Variants in RTL4 observed in about 807,000 individuals in gnomAD.
RTL4 encodes the protein retrotransposon Gag like 4, also known as retrotransposon Gag-like protein 4.
In RTL4, 4 loss-of-function variants were observed where a neutral mutation model predicts 5.3. The observed-to-expected ratio is 0.75, with a 90% CI of 0.37 to 1.72. RTL4 has a LOEUF of 1.72. Among genes scored for constraint, RTL4 ranks in the 40% most tolerant of loss-of-function variants. The pLI is 0.04. For synonymous variants in RTL4, 98 were observed against 87.3 expected, an observed-to-expected ratio of 1.12 and a Z score of -0.68; for missense variants, 260 against 227.1, an observed-to-expected ratio of 1.14 and a Z score of -0.93.
the RTL4 span, among the ~76,000 whole-genome samples, chrX:112,401,812 A>C: frequency 8.9e-6 from 1 of 112,048 alleles, no homozygotes; most frequent in African/African-American, 3.2e-5. Flanking sequence ...TCTTCCTTAA[A>C]TACTTTAATC....
At chrX:112,092,335 C>T in the RTL4 span, among the ~76,000 whole-genome samples, 91 of 111,720 alleles carry the variant, frequency 8.1e-4, no homozygotes, top group African/African-American at 2.9e-3. Flanking sequence ...TTCTCTTCTG[C>T]TTTGGGATTC....
At chrX:112,225,890 CGTT>C in the RTL4 span, among the ~76,000 whole-genome samples, 2 of 111,827 alleles carry the variant, frequency 1.8e-5, no homozygotes, top group Non-Finnish European at 1.9e-5. Flanking sequence ...ATGGTGTACT[CGTT>C]GTCAAACCAT....
At chrX:112,404,180 C>T in the RTL4 span, among the ~76,000 whole-genome samples, 7 of 111,595 alleles carry the variant, frequency 6.3e-5, no homozygotes, top group Non-Finnish European at 1.3e-4. Flanking sequence ...TTACTACAAA[C>T]CCCACCACTT....
At chrX:112,099,356 A>G in the RTL4 span, among the ~76,000 whole-genome samples, 25 of 111,552 alleles carry the variant, frequency 2.2e-4, no homozygotes, top group African/African-American at 7.5e-4. Context: ...TAGAGCACAG[A>G]GAGAGAATGA....
At chrX:112,096,468 C>G in the RTL4 span, among the ~76,000 whole-genome samples, 1 of 111,499 alleles carries the variant, frequency 9.0e-6, no homozygotes, top group Non-Finnish European at 1.9e-5. Flanking sequence ...GTCCTCAGAT[C>G]CAGGCACGTC....
At chrX:112,083,192 G>A in the RTL4 span, among the ~76,000 whole-genome samples, 1 of 112,561 alleles carries the variant, frequency 8.9e-6, no homozygotes, top group African/African-American at 3.2e-5. Context: ...AGACGGGAGG[G>A]GAGGTGGGAG....
the RTL4 span, among the ~76,000 whole-genome samples, chrX:112,303,717 C>A: frequency 2.0e-5 from 2 of 99,624 alleles, no homozygotes; most frequent in African/African-American, 7.7e-5. Context: ...TGTAACTAAC[C>A]TGCACATTGT....
chrX:112,271,830 A>ACATCAAGG, the RTL4 span, among the ~76,000 whole-genome samples: 3 of 112,045 alleles, frequency 2.7e-5, no homozygotes, highest in African/African-American at 9.7e-5. Flanking sequence ...CATAACAGTC[A>ACATCAAGG]CATCAAGGTA....
the RTL4 span, among the ~76,000 whole-genome samples, chrX:112,365,615 A>G: frequency 9.9e-5 from 11 of 111,650 alleles, no homozygotes; most frequent in African/African-American, 3.6e-4. Context: ...AGAGTTACCC[A>G]GAGAACCCAA....
At chrX:112,403,808 A>C in the RTL4 span, among the ~76,000 whole-genome samples, 8 of 112,343 alleles carry the variant, frequency 7.1e-5, no homozygotes, top group African/African-American at 2.6e-4. Context: ...AATATTCCTC[A>C]GTTCAGAAGT....
the RTL4 span, among the ~76,000 whole-genome samples, chrX:112,120,337 C>CAT: frequency 1.8e-5 from 2 of 112,095 alleles, no homozygotes. Context: ...AGTGCAGTGG[C>CAT]GCTATCTCAG....
the RTL4 span, among the ~76,000 whole-genome samples, chrX:112,185,648 C>T: frequency 3.4e-4 from 36 of 106,678 alleles, no homozygotes; most frequent in African/African-American, 8.3e-4. Context: ...CACACACACA[C>T]GCACACACAC....
chrX:112,393,147 C>CTTTTTTTTTTTTGTTTTTTTTTTTTTTT, the RTL4 span, among the ~76,000 whole-genome samples: 2 of 81,485 alleles, frequency 2.5e-5, no homozygotes, highest in African/African-American at 5.1e-5. Flanking sequence ...TTCTTTCTTT[C>CTTTTTTTTTTTTGTTTTTTTTTTTTTTT]TTTTTTTTTT....
At chrX:112,454,228 TA>T (rs953577325), upstream of RTL4, among the ~76,000 whole-genome samples, 3 of 111,667 alleles carry the variant, frequency 2.7e-5, no homozygotes, top group Admixed American at 9.5e-5. Flanking sequence ...GTAATGAGCT[TA>T]AAAAAACAAT....
chrX:112,301,704 A>C, the RTL4 span, among the ~76,000 whole-genome samples: 1 of 111,047 alleles, frequency 9.0e-6, no homozygotes, highest in Non-Finnish European at 1.9e-5. Context: ...GACTCACACC[A>C]GTAACACACA....
the RTL4 span, among the ~76,000 whole-genome samples, chrX:112,311,365 C>T: frequency 9.0e-6 from 1 of 110,977 alleles, no homozygotes; most frequent in African/African-American, 3.3e-5. Context: ...AGGATGTTGG[C>T]TGTACTTCTA....
chrX:112,446,348 A>T, the RTL4 span, among the ~76,000 whole-genome samples: 1 of 111,712 alleles, frequency 9.0e-6, no homozygotes. Context: ...ATTCATCCAA[A>T]CAGAACACAT....
At chrX:112,167,326 G>T in the RTL4 span, among the ~76,000 whole-genome samples, 1 of 111,809 alleles carries the variant, frequency 8.9e-6, no homozygotes, top group Admixed American at 9.5e-5. Context: ...AATAAGTAGT[G>T]GCCAAGCAAA....
chrX:112,309,561 T>A, the RTL4 span, among the ~76,000 whole-genome samples: 3 of 108,360 alleles, frequency 2.8e-5, no homozygotes, highest in Non-Finnish European at 5.7e-5. Context: ...CGATCTCGGG[T>A]CTGTGCAACC....
Sources: allele counts gnomAD v4.1 joint callset (sites outside exome capture counted in the v4.1 genomes callset), GRCh38; gene constraint gnomAD v4.1.1; transcripts MANE v1.5; gene names NCBI Gene and HGNC (gene_info 2026-07-23, HGNC 2026-07-21).